Variants in C3 observed in about 807,000 individuals in gnomAD.
C3 encodes the protein complement C3.
Under a neutral mutation model 207.9 loss-of-function variants are expected in C3, and 97 were observed. The ratio of observed to expected loss-of-function variants is 0.47; its 90% CI spans 0.40 to 0.55. The LOEUF is 0.55. Ranked by LOEUF, C3 falls within the 20% of genes least tolerant of loss-of-function variation. C3 has a pLI of 0.00. For synonymous variants in C3, 848 were observed against 857.6 expected (o/e 0.99, Z 0.20); for missense variants, 1,684 against 2,171.7 (o/e 0.78, Z 4.46).
chr19:6,688,069 C>T (rs1381034962), intron 27 of C3, among the ~76,000 whole-genome samples: 4 of 151,458 alleles, frequency 2.6e-5, no homozygotes, highest in Admixed American at 6.6e-5. Context: ...TGGTCTCGAT[C>T]TCCTGACCTC....
chr19:6,717,594 G>A, intron 4 of C3: 1 of 264,734 alleles, frequency 3.8e-6, no homozygotes, highest in South Asian at 3.8e-5. Flanking sequence ...TGTGTGTTGT[G>A]TGTTGTGTGT....
chr19:6,687,846 G>GT (rs1918048278), intron 27 of C3, among the ~76,000 whole-genome samples: 2 of 150,166 alleles, frequency 1.3e-5, no homozygotes, highest in South Asian at 2.1e-4. Context: ...GGTTGGTTGG[G>GT]TTTTTTGTTG....
At chr19:6,687,708 A>G (rs1395790141) in intron 27 of C3, among the ~76,000 whole-genome samples, 1 of 132,822 alleles carries the variant, frequency 7.5e-6, no homozygotes, top group Non-Finnish European at 1.5e-5. Flanking sequence ...TCCAACAGAC[A>G]TAAGTAACCC....
chr19:6,718,236 C>G lies in C3; in HGVS notation c.433+11G>C, dbSNP rs759907417. On this transcript the variant is annotated intron_variant, in intron 3 of 40. Transcript: ENST00000245907. The stretch of plus-strand genomic sequence containing the variant: ...CGGTGCCCCGCCCTCTCCAGCCGCC[C>G]CCAGCCTCACCTGTGGAGCCAGGGG... The G allele has an allele frequency of 6.2e-7, 1 of 1,614,162 alleles. No individual in the cohort carries two copies. The highest frequency in any genetic ancestry group is 1.1e-5 in the South Asian group (1 of 91,080).
chr19:6,702,694 T>C (rs1967700744), intron 17 of C3, 115 bp from the exon 18 acceptor site: 2 of 767,898 alleles, frequency 2.6e-6, no homozygotes, highest in Admixed American at 3.6e-5. Context: ...GGCCAGGAGT[T>C]GGAGACCAGC....
chr19:6,696,518 T>C, intron 22 of C3, 53 bp from the exon 23 acceptor site: 1 of 1,594,550 alleles, frequency 6.3e-7, no homozygotes, highest in Non-Finnish European at 8.6e-7. Context: ...CGCCCTATCC[T>C]ACCTCACTAA....
chr19:6,684,731 G>A (rs781498993), intron 31 of C3, 44 bp downstream of exon 31: 1 of 1,594,768 alleles, frequency 6.3e-7, no homozygotes, highest in South Asian at 1.1e-5. Context: ...TCCCTCTGGG[G>A]CAGAGGGGCA....
In C3 at chr19:6,719,821, G is replaced by A. The variant is rs1273881337; in HGVS notation, c.75-418C>T. Among the ~76,000 whole-genome samples the A allele has an allele frequency of 3.3e-5, 5 of 151,790 alleles. No individual in the cohort carries two copies. Among genetic ancestry groups the A allele is most frequent in the Admixed American group, 2.6e-4 (4 of 15,224 alleles). ...CAAATATGTAAACACTCAAACTCCC[G>A]GACACCCTCAACTCTACCTACCCAA... On this transcript the variant is annotated intron_variant, in intron 1 of 40. Coordinates refer to ENST00000245907, the MANE Select transcript of C3 (RefSeq NM_000064.4). The surrounding 1 kb of genome is among the most constrained non-coding windows in gnomAD (Gnocchi z 5.4).
intron 35 of C3, among the ~76,000 whole-genome samples, chr19:6,681,520 T>C (rs1001537470): frequency 3.3e-5 from 5 of 151,902 alleles, no homozygotes; most frequent in Non-Finnish European, 7.4e-5. Context: ...TACTCCAGTC[T>C]GGGTGACAGA....
rs763379562 is a variant in C3 at position 6,702,457 on chromosome 19, T to A, written c.2354+14A>T. ...ACTCTGGGGTGGGTTGTACCGGGGGTACCCCGGCCTTACCCATTTTTCGGT... is the reference window on the plus strand; with the variant it reads ...ACTCTGGGGTGGGTTGTACCGGGGGAACCCCGGCCTTACCCATTTTTCGGT... On this transcript the variant is annotated intron_variant, in intron 18 of 40. Transcript: ENST00000245907. 2.1e-5 allele frequency: 32 copies of A among 1,551,972 alleles called. No individual in the cohort carries two copies. The highest frequency in any genetic ancestry group is 1.7e-4 in the Middle Eastern group (1 of 5,966).
intron 12 of C3, 30 bp downstream of exon 12, chr19:6,710,957 G>A (rs1022791804): frequency 1.1e-5 from 17 of 1,609,070 alleles, no homozygotes; most frequent in African/African-American, 2.7e-5. Flanking sequence ...AGGAGGAGGC[G>A]GGGGCTGAGG....
At chr19:6,693,199 T>G in intron 25 of C3, 116 bp from the exon 26 acceptor site, 1 of 1,306,318 alleles carries the variant, frequency 7.7e-7, no homozygotes, top group East Asian at 2.3e-5. Flanking sequence ...CTGGTTTGCC[T>G]TCCCAGGCCC....
intron 17 of C3, among the ~76,000 whole-genome samples, chr19:6,704,924 G>A (rs1025985063): frequency 9.9e-5 from 15 of 150,970 alleles, no homozygotes; most frequent in South Asian, 6.3e-4. Context: ...GTTTTCGTCC[G>A]TACAAAGTCT....
chr19:6,707,618 G>A (rs1184249973), intron 15 of C3, 81 bp from the exon 16 acceptor site: 2 of 1,554,014 alleles, frequency 1.3e-6, no homozygotes, highest in East Asian at 4.5e-5. Context: ...ATCGTGTGAG[G>A]TGGGGGTGTT....
At position 6,686,855 on chromosome 19, in the gene C3, G is replaced by T. The variant is rs1918021723; in HGVS notation, c.3537C>A (p.Asn1179Lys). The T allele has an allele frequency of 6.2e-7, 1 of 1,614,050 alleles. No individual in the cohort carries two copies. The highest frequency in any genetic ancestry group is 2.2e-5 in the East Asian group (1 of 44,864). ...TGTAGGATCTCTGTAGGTTCATGTA[G>T]TTGGCTTCAAGGAAGTCTCCTGCTT... is the stretch of plus-strand genomic sequence containing the variant. ...ITKAGDFLEA[N>K]YMNLQRSYTV... Residue 1179 changes from asparagine to lysine, a missense_variant, in exon 28 of 41, where the codon AAC (asparagine) becomes AAA (lysine). Around this residue, in one of 3 missense-constraint regions of C3, gnomAD observed 1,280 missense variants for 1,739.1 expected, o/e 0.74. Transcript: ENST00000245907.
At position 6,685,207 on chromosome 19, in the gene C3, G is replaced by C. The variant is rs1309776648; in HGVS notation, c.3811-61C>G. The C allele has an allele frequency of 4.6e-6, 7 of 1,505,460 alleles. No homozygotes were observed. In the African/African-American group the frequency reaches 6.9e-5, roughly 15 times the overall value. 93.3% of individuals were successfully genotyped at this position (1,505,460 alleles called of 1,614,324 possible). A position where few individuals can be genotyped will look rare whatever the true frequency, so the allele number is the denominator to read the frequency against. ...AGCCTGGGAAAGTGGCTAGAATCCA[G>C]TGGGGGATAAAGAGGTTCAAATCAG... On this transcript the variant is annotated intron_variant, in intron 29 of 40. Coordinates refer to ENST00000245907, the MANE Select transcript of C3 (RefSeq NM_000064.4).
chr19:6,702,251 C>G, intron 18 of C3, 39 bp from the exon 19 acceptor site: 1 of 1,322,476 alleles, frequency 7.6e-7, no homozygotes, highest in Non-Finnish European at 1.1e-6. Flanking sequence ...GAGATGTCAT[C>G]TAGCAGGGTG....
At chr19:6,678,623 G>T (rs1917783049) in intron 38 of C3, among the ~76,000 whole-genome samples, 168 bp from the exon 39 acceptor site, 1 of 151,914 alleles carries the variant, frequency 6.6e-6, no homozygotes, top group African/African-American at 2.4e-5. Flanking sequence ...AACCATAGAG[G>T]GTCCCATGTC....
At position 6,679,308 on chromosome 19, in the gene C3, C is replaced by G. The variant is rs1917798019; in HGVS notation, c.4546+99G>C. 2.8e-6 allele frequency: 4 copies of G among 1,443,436 alleles called. No individual in the cohort carries two copies. In the Admixed American group the frequency reaches 5.0e-5, roughly 18 times the overall value. The allele number at this position is 1,443,436 out of a possible 1,614,324, so 89.4% of individuals were successfully genotyped here. On this transcript the variant is annotated intron_variant, in intron 37 of 40. Coordinates refer to ENST00000245907, the MANE Select transcript of C3 (RefSeq NM_000064.4). ...CCTGGGAGCCTACCCCCCTTGGTAT[C>G]CCCTGGGTATGGGTCTGGGGGTCCC... is the stretch of plus-strand genomic sequence containing the variant.
Sources: allele counts gnomAD v4.1 joint callset (sites outside exome capture counted in the v4.1 genomes callset), GRCh38; gene constraint gnomAD v4.1.1; regional missense constraint gnomAD v4.1.1; non-coding constraint Gnocchi (gnomAD v3.1); transcripts MANE v1.5; gene names NCBI Gene and HGNC (gene_info 2026-07-23, HGNC 2026-07-21).